Variants in KCNT2 observed in about 807,000 individuals in gnomAD.
The protein encoded by KCNT2 is potassium channel subfamily T member 2.
A neutral mutation model predicts 153.8 loss-of-function variants in KCNT2; 67 were observed. The ratio of observed to expected loss-of-function variants is 0.44; its 90% confidence interval spans 0.36 to 0.53. The LOEUF (loss-of-function observed/expected upper bound fraction) is 0.53, where lower values mean the gene tolerates loss of function less well. KCNT2 is among the 20% of genes least tolerant of loss of function. KCNT2 has a pLI of 0.00. For missense variants in KCNT2, 975 were observed against 1,354.8 expected (o/e 0.72, Z 4.40); for synonymous variants, 500 against 458.8 (o/e 1.09, Z -1.15).
intron 22 of KCNT2, among the ~76,000 whole-genome samples, chr1:196,286,783 A>C (rs1252220387): frequency 6.6e-6 from 1 of 152,028 alleles, no homozygotes; most frequent in East Asian, 1.9e-4. Context: ...AAGAGAGCAA[A>C]TGTCAAATTT....
chr1:196,563,824 T>A (rs1659747092), intron 1 of KCNT2, among the ~76,000 whole-genome samples: 1 of 151,900 alleles, frequency 6.6e-6, no homozygotes, highest in Non-Finnish European at 1.5e-5. Context: ...CCTTTCATAA[T>A]AAAAGTATCA....
chr1:196,307,172 A>G (rs1571982761), intron 21 of KCNT2, among the ~76,000 whole-genome samples: 1 of 152,134 alleles, frequency 6.6e-6, no homozygotes, highest in African/African-American at 2.4e-5. Context: ...GATTCTGCAA[A>G]GAAAGGATGT....
intron 13 of KCNT2, among the ~76,000 whole-genome samples, chr1:196,384,751 A>C (rs2148385272): frequency 6.6e-6 from 1 of 151,646 alleles, no homozygotes; most frequent in South Asian, 2.1e-4. Context: ...TGTTTTGGCA[A>C]CCATTACTCT....
chr1:196,603,099 T>C (rs1664940998), intron 1 of KCNT2, among the ~76,000 whole-genome samples: 1 of 152,176 alleles, frequency 6.6e-6, no homozygotes, highest in Non-Finnish European at 1.5e-5. Context: ...AGTCTATTTT[T>C]TATACCATTA....
chr1:196,543,625 A>G (rs1656674581), intron 1 of KCNT2, among the ~76,000 whole-genome samples: 3 of 152,164 alleles, frequency 2.0e-5, no homozygotes. Context: ...GATGTCCACG[A>G]TAATTTTCTA....
intron 6 of KCNT2, 36 bp downstream of exon 6, chr1:196,468,958 A>T (rs1480423753): frequency 8.0e-7 from 1 of 1,256,324 alleles, no homozygotes; most frequent in Non-Finnish European, 1.2e-6. Flanking sequence ...AAGTCTAATT[A>T]CAAAAGTGTT....
At chr1:196,548,378 T>A (rs911609227) in intron 1 of KCNT2, among the ~76,000 whole-genome samples, 16 of 151,624 alleles carry the variant, frequency 1.1e-4, no homozygotes, top group Middle Eastern at 3.2e-3. Flanking sequence ...AAAAGAAGAC[T>A]TTTATGCAGC....
At chr1:196,443,636 G>A (rs952761094) in intron 8 of KCNT2, among the ~76,000 whole-genome samples, 4 of 151,556 alleles carry the variant, frequency 2.6e-5, no homozygotes, top group African/African-American at 9.7e-5. Context: ...GCTGTTAAAT[G>A]GAAACAGGTT....
At chr1:196,279,201 C>A (rs971583160) in intron 25 of KCNT2, among the ~76,000 whole-genome samples, 5 of 152,126 alleles carry the variant, frequency 3.3e-5, no homozygotes, top group Admixed American at 6.5e-5. Flanking sequence ...CTTCTCTTAA[C>A]CTTTAATTAA....
chr1:196,375,516 A>G (rs1469036925), intron 13 of KCNT2, among the ~76,000 whole-genome samples: 2 of 151,580 alleles, frequency 1.3e-5, no homozygotes, highest in African/African-American at 4.8e-5. Flanking sequence ...ATCAGTCAAA[A>G]CCTAGCACCT....
At chr1:196,340,693 C>A in intron 15 of KCNT2, 123 bp from the exon 16 acceptor site, 1 of 625,734 alleles carries the variant, frequency 1.6e-6, no homozygotes, top group Non-Finnish European at 2.7e-6. Flanking sequence ...TCAAGATCCT[C>A]ATTTTTACAG....
At chr1:196,321,150 G>A (rs1663275666) in intron 19 of KCNT2, among the ~76,000 whole-genome samples, 1 of 151,772 alleles carries the variant, frequency 6.6e-6, no homozygotes, top group Non-Finnish European at 1.5e-5. Context: ...CCTTATGGTA[G>A]AGATTTCTAG....
At chr1:196,373,692 C>T (rs1208151440) in intron 13 of KCNT2, among the ~76,000 whole-genome samples, 1 of 151,800 alleles carries the variant, frequency 6.6e-6, no homozygotes, top group African/African-American at 2.4e-5. Flanking sequence ...CATAATGACA[C>T]AGCATAAATT....
chr1:196,304,328 T>C (rs12031391), intron 22 of KCNT2, among the ~76,000 whole-genome samples: 7 of 152,302 alleles, frequency 4.6e-5, no homozygotes, highest in East Asian at 3.9e-4. Flanking sequence ...TATATTGTTA[T>C]AAGAAATGAA....
chr1:196,287,907 CA>C (rs1659820235), intron 22 of KCNT2, among the ~76,000 whole-genome samples: 2 of 151,944 alleles, frequency 1.3e-5, no homozygotes, highest in African/African-American at 4.8e-5. Context: ...GTAACAATAG[CA>C]AAATAGGCAA....
rs556573264 is a variant in KCNT2, at chr1:196,412,552, A to G, written c.1185+10498T>C. Among the ~76,000 whole-genome samples the G allele has an allele frequency of 1.2e-4, 18 of 151,796 alleles. No homozygotes were observed. The South Asian group carries it at 3.7e-3, about 31-fold the overall frequency. On this transcript the variant is annotated intron_variant, in intron 12 of 27. Coordinates refer to ENST00000294725, the MANE Select transcript of KCNT2 (RefSeq NM_198503.5). ...TAGCCTCCTAGAAATTTGAAGCTAG[A>G]TAGACTAAGGCCTGTAAACATATGA... is the stretch of plus-strand genomic sequence containing the variant.
At chr1:196,233,135 A>G (rs1654107168) in intron 27 of KCNT2, among the ~76,000 whole-genome samples, 1 of 151,412 alleles carries the variant, frequency 6.6e-6, no homozygotes, top group Admixed American at 6.6e-5. Flanking sequence ...ATTAAAATCC[A>G]AGTGCATCAT....
chr1:196,342,467 T>A (rs1665766919), intron 14 of KCNT2, among the ~76,000 whole-genome samples: 1 of 146,170 alleles, frequency 6.8e-6, no homozygotes, highest in Admixed American at 6.9e-5. Flanking sequence ...TATATATGCT[T>A]GAGAAATGAC....
chr1:196,597,171 A>C (rs936495228), intron 1 of KCNT2, among the ~76,000 whole-genome samples: 1 of 152,164 alleles, frequency 6.6e-6, no homozygotes, highest in Non-Finnish European at 1.5e-5. Context: ...CCATTCTATT[A>C]TAGTATCTAT....
Sources: gnomAD v4.1 joint callset for allele counts (sites outside exome capture counted in the v4.1 genomes callset) on GRCh38, gnomAD v4.1.1 for gene constraint, MANE v1.5 for transcripts, NCBI Gene and HGNC (gene_info 2026-07-23, HGNC 2026-07-21) for gene names.